PTPN5: variants seen among roughly 807,000 people sequenced by gnomAD.
PTPN5 encodes tyrosine-protein phosphatase non-receptor type 5.
A neutral mutation model predicts 73.9 loss-of-function variants in PTPN5; 29 were observed. That is an observed-to-expected ratio of 0.39 (90% CI 0.29 to 0.54). PTPN5 has a LOEUF of 0.54. Ranked by LOEUF, PTPN5 falls within the 20% of genes least tolerant of loss-of-function variation. The pLI is 0.65. For synonymous variants in PTPN5, 267 were observed against 304.7 expected (o/e 0.88, Z 1.29); for missense variants, 652 against 751.4 (o/e 0.87, Z 1.55).
rs181115833 is a variant in PTPN5 at position 18,743,497 on chromosome 11, C to A, written c.292-68G>T. On this transcript the variant is annotated intron_variant, in intron 4 of 14. Coordinates refer to ENST00000358540, the MANE Select transcript of PTPN5 (RefSeq NM_006906.2). ...TCCCCCGTGTTCCCCCAGCAGAGCT[C>A]ACCTGCAGCCTCAACCTGGCCCTGC... The A allele has an allele frequency of 9.2e-5, 129 of 1,404,682 alleles. No homozygotes were observed. In the African/African-American group the frequency reaches 1.7e-3, roughly 19 times the overall value. The allele number at this position is 1,404,682 out of a possible 1,614,324, so 87.0% of individuals were successfully genotyped here. A position where few individuals can be genotyped will look rare whatever the true frequency, so the allele number is the denominator to read the frequency against.
At chr11:18,741,641 T>C (rs1386711252) in intron 7 of PTPN5, among the ~76,000 whole-genome samples, 3 of 152,130 alleles carry the variant, frequency 2.0e-5, no homozygotes, top group African/African-American at 7.2e-5. Flanking sequence ...CACTATGAGC[T>C]ACCCTATAAA....
At chr11:18,747,375 T>C (rs1362626492) in intron 3 of PTPN5, among the ~76,000 whole-genome samples, 2 of 152,120 alleles carry the variant, frequency 1.3e-5, no homozygotes, top group Admixed American at 6.5e-5. Flanking sequence ...GGTCTTGAAC[T>C]CCTGACCTCA....
intron 1 of PTPN5, among the ~76,000 whole-genome samples, chr11:18,781,565 C>T (rs1037166787): frequency 5.3e-5 from 8 of 152,048 alleles, no homozygotes; most frequent in African/African-American, 1.9e-4. Context: ...AGTGATCCAC[C>T]CGCCTCGGCC....
chr11:18,781,553 C>T (rs1851432371), intron 1 of PTPN5, among the ~76,000 whole-genome samples: 1 of 152,070 alleles, frequency 6.6e-6, no homozygotes, highest in African/African-American at 2.4e-5. Context: ...CTCCTGACCT[C>T]AAGTGATCCA....
At chr11:18,749,727 C>T (rs1849799437) in intron 3 of PTPN5, among the ~76,000 whole-genome samples, 1 of 152,168 alleles carries the variant, frequency 6.6e-6, no homozygotes, top group African/African-American at 2.4e-5. Flanking sequence ...CCTCTCCTGT[C>T]ACCCGGCTCC....
intron 1 of PTPN5, among the ~76,000 whole-genome samples, chr11:18,773,076 A>G (rs1850981029): frequency 1.3e-5 from 2 of 152,104 alleles, no homozygotes; most frequent in Admixed American, 6.5e-5. Flanking sequence ...AAAGCAGGAC[A>G]CATTCAAGGA....
chr11:18,754,543 C>T (rs993144576), intron 3 of PTPN5, among the ~76,000 whole-genome samples: 4 of 152,126 alleles, frequency 2.6e-5, no homozygotes, highest in Non-Finnish European at 5.9e-5. Context: ...CCCATGTTTC[C>T]ACCTGCCAAG....
At chr11:18,734,815 C>A (rs4756959) in intron 9 of PTPN5, among the ~76,000 whole-genome samples, 148,269 of 152,246 alleles carry the variant, frequency 0.97, 72,309 homozygotes, top group East Asian at 1. Flanking sequence ...CTTGTCCAGG[C>A]CTCAGTTTCT....
Position 18,735,096 on chromosome 11 carries a change from A to G in PTPN5, c.1001-1461T>C, listed in dbSNP as rs1849057069. 3.9e-5 allele frequency among the ~76,000 whole-genome samples: 6 copies of G among 152,336 alleles called. 1 individual carries two copies. In the South Asian group the frequency reaches 1.2e-3, roughly 32 times the overall value. On this transcript the variant is annotated intron_variant, in intron 9 of 14. Transcript: ENST00000358540. ...TAACAACTAGAGTCCTTATGCCAGT[A>G]ACTAGGACCAACACGAAGTATCAGT...
chr11:18,781,674 G>T (rs1390208217), intron 1 of PTPN5, among the ~76,000 whole-genome samples: 2 of 152,218 alleles, frequency 1.3e-5, no homozygotes, highest in South Asian at 2.1e-4. Flanking sequence ...AACCCAGTTT[G>T]TCTCTAAGAT....
chr11:18,782,505 G>A (rs1376620571), intron 1 of PTPN5, among the ~76,000 whole-genome samples: 1 of 152,318 alleles, frequency 6.6e-6, no homozygotes, highest in African/African-American at 2.4e-5. Flanking sequence ...TGGGGTTACA[G>A]GTATGAGCCA....
chr11:18,729,967 GC>G lies in PTPN5; in HGVS notation c.1330-150del. ...TTCACCCTTCCATCTAGGCCACATT[GC>G]CCAGTGGCACCAGACACAGACCCAA... On this transcript the variant is annotated intron_variant, in intron 12 of 14. Transcript: ENST00000358540. The surrounding 1 kb of genome is among the most constrained non-coding windows in gnomAD (Gnocchi z 5.2). 1 of 1,043,704 alleles carries G rather than the reference GC, an allele frequency of 9.6e-7. No homozygotes were observed. The highest frequency in any genetic ancestry group is 1.4e-6 in the Non-Finnish European group (1 of 699,592). 64.7% of individuals were successfully genotyped at this position (1,043,704 alleles called of 1,614,324 possible).
chr11:18,729,588 G>T lies in PTPN5; in HGVS notation c.1491-22C>A, dbSNP rs748235071. ...TGCACTGAGGGCCGAGGGGACCGGT[G>T]GGGTGAGGGGCAGGGCAGCCCAGCG... On this transcript the variant is annotated intron_variant, in intron 13 of 14. Transcript: ENST00000358540. This position sits in a 1 kb window ranked among gnomAD's most constrained non-coding sequence, Gnocchi z 5.2. 2 of 1,571,060 alleles carry T rather than the reference G, an allele frequency of 1.3e-6. No individual in the cohort carries two copies. Among genetic ancestry groups the T allele is most frequent in the East Asian group, 2.2e-5 (1 of 44,644 alleles).
chr11:18,733,506 C>T lies in PTPN5; in HGVS notation c.1080+50G>A, dbSNP rs532265750. On this transcript the variant is annotated intron_variant, in intron 10 of 14. Coordinates refer to ENST00000358540, the MANE Select transcript of PTPN5 (RefSeq NM_006906.2). This position sits in a 1 kb window ranked among gnomAD's most constrained non-coding sequence, Gnocchi z 4.3. ...GACAAGGCTGGAGGATGGATCCCAT[C>T]GACTCAGGCCTCCCCTTGAGCAAGA... The T allele has an allele frequency of 1.3e-5, 21 of 1,612,386 alleles. No individual in the cohort carries two copies. In the Admixed American group the frequency reaches 1.7e-4, roughly 13 times the overall value.
chr11:18,747,910 T>C (rs1277715395), intron 3 of PTPN5, among the ~76,000 whole-genome samples: 1 of 152,188 alleles, frequency 6.6e-6, no homozygotes, highest in African/African-American at 2.4e-5. Flanking sequence ...TTAATAAATG[T>C]TGTACACAGT....
intron 1 of PTPN5, among the ~76,000 whole-genome samples, chr11:18,772,962 G>A (rs1035741334): frequency 7.2e-5 from 11 of 151,916 alleles, no homozygotes; most frequent in African/African-American, 2.7e-4. Flanking sequence ...CATCTCTGGT[G>A]AGATGTGAAA....
intron 1 of PTPN5, among the ~76,000 whole-genome samples, chr11:18,781,372 C>T (rs1034985028): frequency 5.0e-4 from 75 of 149,254 alleles, no homozygotes; most frequent in African/African-American, 1.6e-3. Flanking sequence ...CAGGCTGGAG[C>T]GCAGCGGCGC....
At chr11:18,762,021 G>A (rs1449452413) in intron 3 of PTPN5, among the ~76,000 whole-genome samples, 2 of 152,224 alleles carry the variant, frequency 1.3e-5, no homozygotes, top group Non-Finnish European at 2.9e-5. Flanking sequence ...GAGTGTGCGA[G>A]AGCACATGTG....
At chr11:18,739,179 A>T (rs1449962944) in intron 8 of PTPN5, among the ~76,000 whole-genome samples, 1 of 152,148 alleles carries the variant, frequency 6.6e-6, no homozygotes, top group Non-Finnish European at 1.5e-5. Flanking sequence ...ACTTTCCAGG[A>T]TTGTGAAAAT....
Sources: allele counts gnomAD v4.1 joint callset (sites outside exome capture counted in the v4.1 genomes callset), GRCh38; gene constraint gnomAD v4.1.1; non-coding constraint Gnocchi (gnomAD v3.1); transcripts MANE v1.5; gene names NCBI Gene and HGNC (gene_info 2026-07-23, HGNC 2026-07-21).